DLG2: variants seen among roughly 807,000 people sequenced by gnomAD.
DLG2 encodes the protein discs large MAGUK scaffold protein 2, also known as disks large homolog 2.
A neutral mutation model predicts 132.5 loss-of-function variants in DLG2; 45 were observed. That is an observed-to-expected ratio of 0.34 (90% CI 0.27 to 0.44). The LOEUF is 0.44. DLG2 is among the 20% of genes least tolerant of loss of function. The pLI is 1.00. For missense variants in DLG2, 1,045 were observed against 1,196.9 expected (o/e 0.87, Z 1.87); for synonymous variants, 424 against 419.6 (o/e 1.01, Z -0.13).
At chr11:84,999,763 C>A (rs967559071) in intron 6 of DLG2, among the ~76,000 whole-genome samples, 2 of 151,988 alleles carry the variant, frequency 1.3e-5, no homozygotes, top group Admixed American at 1.3e-4. Context: ...TTTAGCATTC[C>A]AGGGTTCACA....
intron 19 of DLG2, chr11:83,631,882 A>G (rs1427045842): frequency 6.6e-6 from 1 of 152,214 alleles, no homozygotes; most frequent in Non-Finnish European, 1.5e-5. Flanking sequence ...TGTAGCATGT[A>G]GACCAGCAAT....
chr11:84,745,463 G>C (rs2065239953), intron 6 of DLG2, among the ~76,000 whole-genome samples: 1 of 152,116 alleles, frequency 6.6e-6, no homozygotes, highest in Non-Finnish European at 1.5e-5. Context: ...GGCCTCTCCA[G>C]AAGCCAGGCA....
chr11:85,598,341 C>T (rs2079922391), intron 3 of DLG2, among the ~76,000 whole-genome samples: 1 of 152,068 alleles, frequency 6.6e-6, no homozygotes, highest in Admixed American at 6.5e-5. Context: ...TATTTGTCCT[C>T]AATGTTTTAT....
intron 16 of DLG2, among the ~76,000 whole-genome samples, chr11:83,839,337 G>T (rs2057021173): frequency 6.6e-6 from 1 of 151,982 alleles, no homozygotes; most frequent in Admixed American, 6.6e-5. Flanking sequence ...TTTGTAAAAT[G>T]GAATGCAAAT....
chr11:84,440,608 G>A (rs1042188776), intron 7 of DLG2, among the ~76,000 whole-genome samples: 4 of 152,132 alleles, frequency 2.6e-5, no homozygotes, highest in Non-Finnish European at 5.9e-5. Context: ...TGCTGTATAA[G>A]TAAAACAAAT....
chr11:84,542,459 C>G (rs1371543696), intron 6 of DLG2, among the ~76,000 whole-genome samples: 1 of 152,124 alleles, frequency 6.6e-6, no homozygotes, highest in East Asian at 1.9e-4. Flanking sequence ...CCTCTGTAAT[C>G]CAAGTTCTTT....
intron 6 of DLG2, among the ~76,000 whole-genome samples, chr11:84,958,994 G>C (rs970356214): frequency 6.6e-6 from 1 of 151,910 alleles, no homozygotes; most frequent in African/African-American, 2.4e-5. Flanking sequence ...TTGGCATCTG[G>C]GTCCTTTGGA....
chr11:84,952,349 C>CGG (rs2051046717), intron 6 of DLG2, among the ~76,000 whole-genome samples: 1 of 152,110 alleles, frequency 6.6e-6, no homozygotes, highest in Admixed American at 6.5e-5. Context: ...AACCCCGTCT[C>CGG]TACTAAAAAT....
intron 9 of DLG2, among the ~76,000 whole-genome samples, chr11:84,144,481 C>T (rs1056575339): frequency 2.6e-5 from 4 of 152,040 alleles, no homozygotes; most frequent in African/African-American, 9.7e-5. Flanking sequence ...GTTGCATATC[C>T]ACCACTAATG....
At chr11:83,824,299 G>T (rs1353589561) in intron 17 of DLG2, among the ~76,000 whole-genome samples, 1 of 152,042 alleles carries the variant, frequency 6.6e-6, no homozygotes. Flanking sequence ...CGCCCATGTG[G>T]TCCCTGGAAC....
intron 14 of DLG2, among the ~76,000 whole-genome samples, chr11:83,933,013 T>G (rs1162158699): frequency 1.3e-5 from 2 of 152,146 alleles, no homozygotes; most frequent in Non-Finnish European, 2.9e-5. Context: ...CTCACAGACT[T>G]CTCGGCCCTG....
chr11:84,389,641 C>G (rs776657365), intron 7 of DLG2, among the ~76,000 whole-genome samples: 1 of 151,934 alleles, frequency 6.6e-6, no homozygotes, highest in Non-Finnish European at 1.5e-5. Flanking sequence ...TGGATTTATC[C>G]TCCAGAATAA....
At chr11:84,142,319 CAAA>C (rs71066094) in intron 9 of DLG2, among the ~76,000 whole-genome samples, 7 of 86,868 alleles carry the variant, frequency 8.1e-5, no homozygotes, top group Admixed American at 1.2e-4. Flanking sequence ...GAATCCATCT[CAAA>C]AAAAAAAAAA....
At chr11:84,054,776 A>G (rs1408427268) in intron 11 of DLG2, among the ~76,000 whole-genome samples, 2 of 152,110 alleles carry the variant, frequency 1.3e-5, no homozygotes, top group African/African-American at 4.8e-5. Context: ...GCCACAAATC[A>G]CTGTTTCACA....
chr11:84,399,103 C>T (rs921410767), intron 7 of DLG2, among the ~76,000 whole-genome samples: 1 of 152,124 alleles, frequency 6.6e-6, no homozygotes, highest in Non-Finnish European at 1.5e-5. Context: ...ATGAGGTACA[C>T]ACATCTCTTA....
intron 15 of DLG2, 71 bp downstream of exon 15, chr11:83,930,257 G>T: frequency 6.4e-7 from 1 of 1,551,228 alleles, no homozygotes; most frequent in Non-Finnish European, 8.8e-7. Context: ...AGCAGAGGCG[G>T]ATTCTACCCA....
chr11:83,745,660 G>A (rs1226763257), intron 18 of DLG2, among the ~76,000 whole-genome samples: 3 of 152,024 alleles, frequency 2.0e-5, no homozygotes, highest in Non-Finnish European at 4.4e-5. Context: ...AAATTAGCCT[G>A]GCGTGGTGGC....
chr11:84,223,292 CATTG>C (rs1467961955), intron 8 of DLG2, among the ~76,000 whole-genome samples: 1 of 152,116 alleles, frequency 6.6e-6, no homozygotes, highest in Admixed American at 6.6e-5. Context: ...CTTGATAAGA[CATTG>C]ATTGAGAGAG....
At chr11:85,477,511 G>T (rs1389764773) in intron 3 of DLG2, among the ~76,000 whole-genome samples, 1 of 152,126 alleles carries the variant, frequency 6.6e-6, no homozygotes, top group African/African-American at 2.4e-5. Context: ...AATAAATAGT[G>T]GTAACAGTTA....
Sources: allele counts gnomAD v4.1 joint callset (sites outside exome capture counted in the v4.1 genomes callset), GRCh38; gene constraint gnomAD v4.1.1; transcripts MANE v1.5; gene names NCBI Gene and HGNC (gene_info 2026-07-23, HGNC 2026-07-21).